NLRP3: variants seen among roughly 807,000 people sequenced by gnomAD.
NLRP3 encodes NLR family pyrin domain containing 3, also known as NACHT, LRR and PYD domains-containing protein 3.
A neutral mutation model predicts 91.3 loss-of-function variants in NLRP3; 48 were observed. The ratio of observed to expected loss-of-function variants is 0.53; its 90% CI spans 0.42 to 0.67. The LOEUF (loss-of-function observed/expected upper bound fraction) is 0.67. Among genes scored for constraint, NLRP3 ranks in the 30% least tolerant of loss-of-function variants. NLRP3 has a pLI of 0.00. For missense variants in NLRP3, 982 were observed against 1,276.9 expected (o/e 0.77, Z 3.52); for synonymous variants, 561 against 507.9 (o/e 1.10, Z -1.41).
At chr1:247,422,115 A>G (rs1465112971) in intron 2 of NLRP3, among the ~76,000 whole-genome samples, 6 of 150,914 alleles carry the variant, frequency 4.0e-5, no homozygotes, top group Non-Finnish European at 5.9e-5. Context: ...GCAGTGGCTT[A>G]TGCCTGTAAT....
At chr1:247,429,536 A>G (rs1222251746) in intron 4 of NLRP3, 49 bp from the exon 5 acceptor site, 1 of 1,602,220 alleles carries the variant, frequency 6.2e-7, no homozygotes, top group Non-Finnish European at 8.6e-7. Flanking sequence ...CCAGTTAGTT[A>G]TTATTCGAGG....
chr1:247,425,633 G>T lies in NLRP3; in HGVS notation c.2150+34G>T. On this transcript the variant is annotated intron_variant, in intron 4 of 9. Coordinates refer to ENST00000336119, the MANE Select transcript of NLRP3 (RefSeq NM_001243133.2). The surrounding 1 kb of genome is among the most constrained non-coding windows in gnomAD (Gnocchi z 4.1). ...ACTCGGCTTCCAGGTGCTTCCTCCTGCTTCCTCGCCAGCTTCTTCTTGGCG... is the reference window on the plus strand; with the variant it reads ...ACTCGGCTTCCAGGTGCTTCCTCCTTCTTCCTCGCCAGCTTCTTCTTGGCG... 6.3e-7 allele frequency: 1 copy of T among 1,592,972 alleles called. No homozygotes were observed. The highest frequency in any genetic ancestry group is 2.2e-5 in the East Asian group (1 of 44,844).
intron 5 of NLRP3, among the ~76,000 whole-genome samples, chr1:247,433,494 T>C (rs1490873111): frequency 6.6e-6 from 1 of 152,186 alleles, no homozygotes; most frequent in Non-Finnish European, 1.5e-5. Flanking sequence ...CCCGGCACTG[T>C]TTACGGCCGG....
chr1:247,436,458 G>T (rs1024081584), intron 7 of NLRP3, among the ~76,000 whole-genome samples: 1 of 152,210 alleles, frequency 6.6e-6, no homozygotes, highest in African/African-American at 2.4e-5. Context: ...TTTTATGTGT[G>T]CATGCTTGCA....
At chr1:247,434,382 G>T in intron 6 of NLRP3, 109 bp downstream of exon 6, 1 of 1,176,890 alleles carries the variant, frequency 8.5e-7, no homozygotes, top group Non-Finnish European at 1.3e-6. Flanking sequence ...GGCCTTGGCG[G>T]CTCGGGTGAC....
intron 3 of NLRP3, 76 bp from the exon 4 acceptor site, chr1:247,423,771 T>G: frequency 7.5e-7 from 1 of 1,340,374 alleles, no homozygotes; most frequent in Non-Finnish European, 1.1e-6. Flanking sequence ...TCGCTTCCGA[T>G]GACAGGCCCC....
In NLRP3 at chr1:247,418,307, C is replaced by CTT. The variant is rs144128307; in HGVS notation, c.-483_-482dup. The CTT allele has an allele frequency of 2.0e-4, 38 of 189,308 alleles. No individual in the cohort carries two copies. The highest frequency in any genetic ancestry group is 6.0e-4 in the South Asian group (7 of 11,620). 11.7% of individuals were successfully genotyped at this position (189,308 alleles called of 1,614,324 possible). ...AACTTTCTGGTAAGCATTTGGCTAA[C>CTT]TTTTTTTTTTTTGAGATGGAGTCTT... is the stretch of plus-strand genomic sequence containing the variant. On this transcript the variant is annotated 5_prime_UTR_variant, in exon 2 of 10. An upstream open reading frame in the 5' UTR loses its in-frame stop. Transcript: ENST00000336119.
chr1:247,447,814 A>G (rs1347115743), intron 9 of NLRP3, among the ~76,000 whole-genome samples: 1 of 152,186 alleles, frequency 6.6e-6, no homozygotes, highest in Non-Finnish European at 1.5e-5. Context: ...CATTAAATGC[A>G]GTATTTAAAA....
rs367708054 is a variant in NLRP3 at position 247,428,444 on chromosome 1, T to C, written c.2151-1141T>C. On this transcript the variant is annotated intron_variant, in intron 4 of 9. Coordinates refer to ENST00000336119, the MANE Select transcript of NLRP3 (RefSeq NM_001243133.2). ...TAGACCTAGAGAGCTAGACTTTGCA[T>C]TTGAATGAGAGCTACAGGTGATTCA... Among the ~76,000 whole-genome samples, 6 of 152,368 alleles carry C rather than the reference T, an allele frequency of 3.9e-5. No homozygotes were observed. In the South Asian group the frequency reaches 1.2e-3, roughly 32 times the overall value.
chr1:247,419,157 T>C (rs1389237806), intron 2 of NLRP3, 80 bp downstream of exon 2: 2 of 934,902 alleles, frequency 2.1e-6, no homozygotes, highest in Non-Finnish European at 2.7e-6. Context: ...TATATATATA[T>C]ATATATATTT....
chr1:247,428,934 C>T (rs1310524487), intron 4 of NLRP3, among the ~76,000 whole-genome samples: 1 of 150,512 alleles, frequency 6.6e-6, no homozygotes, highest in Non-Finnish European at 1.5e-5. Flanking sequence ...GCTCTGTTGC[C>T]CAGGCTGGAG....
intron 6 of NLRP3, among the ~76,000 whole-genome samples, chr1:247,434,704 G>T (rs1378265189): frequency 6.6e-6 from 1 of 152,056 alleles, no homozygotes; most frequent in African/African-American, 2.4e-5. Flanking sequence ...TTTTGAAGGA[G>T]AGAAAAAACC....
intron 5 of NLRP3, among the ~76,000 whole-genome samples, chr1:247,430,698 G>A (rs745670058): frequency 4.6e-5 from 7 of 152,012 alleles, no homozygotes; most frequent in African/African-American, 7.2e-5. Flanking sequence ...TTCCTCATGG[G>A]CCATGTTCAT....
rs374170024 is a variant in NLRP3, at chr1:247,423,925, G to T, written c.476G>T (p.Ser159Ile). The change falls in exon 4 of 10, where the codon AGT becomes ATT. Residue 159 changes from serine (S) to isoleucine (I), a missense_variant. Coordinates refer to ENST00000336119, the MANE Select transcript of NLRP3 (RefSeq NM_001243133.2). ...IEDRNARLGE[S>I]VSLNKRYTRL... ...GACAGGAATGCCCGTCTGGGTGAGA[G>T]TGTGAGCCTCAACAAACGCTACACA... is the stretch of plus-strand genomic sequence containing the variant. 61 of 1,613,964 alleles carry T rather than the reference G, an allele frequency of 3.8e-5. No homozygotes were observed. Among genetic ancestry groups the T allele is most frequent in the Non-Finnish European group, 4.8e-5 (57 of 1,180,012 alleles).
intron 5 of NLRP3, among the ~76,000 whole-genome samples, chr1:247,432,221 A>G (rs1411757251): frequency 1.3e-5 from 2 of 152,198 alleles, no homozygotes; most frequent in Non-Finnish European, 2.9e-5. Context: ...CATTGTACCC[A>G]ATAAATAATT....
Position 247,448,544 on chromosome 1 carries a change from C to A in NLRP3, c.*40C>A. On this transcript the variant is annotated 3_prime_UTR_variant, in exon 10 of 10. Transcript: ENST00000336119. ...CTGCCAGACGCCAGTGTTCTCCGGT[C>A]CCTCCAGCTGGGGGCCCTCAGGTGG... 7.9e-7 allele frequency: 1 copy of A among 1,269,952 alleles called. No homozygotes were observed. Among genetic ancestry groups the A allele is most frequent in the Non-Finnish European group, 1.2e-6 (1 of 865,868 alleles). The allele number at this position is 1,269,952 out of a possible 1,614,324, so 78.7% of individuals were successfully genotyped here.
chr1:247,446,256 G>A (rs1031222042), intron 9 of NLRP3, among the ~76,000 whole-genome samples: 1 of 152,202 alleles, frequency 6.6e-6, no homozygotes, highest in Non-Finnish European at 1.5e-5. Context: ...ATCACCTGGT[G>A]TCTGGATTGT....
chr1:247,445,131 C>A (rs908540529), intron 9 of NLRP3, among the ~76,000 whole-genome samples: 1 of 152,186 alleles, frequency 6.6e-6, no homozygotes, highest in Non-Finnish European at 1.5e-5. Context: ...CTTCGTAGAA[C>A]TCGTCTATGG....
chr1:247,436,185 G>T (rs749327273), intron 7 of NLRP3, 45 bp downstream of exon 7: 2 of 1,598,142 alleles, frequency 1.3e-6, no homozygotes, highest in South Asian at 2.2e-5. Flanking sequence ...CTTCTTTTCA[G>T]AGGTGAATTA....
Sources: gnomAD v4.1 joint callset for allele counts (sites outside exome capture counted in the v4.1 genomes callset) on GRCh38, gnomAD v4.1.1 for gene constraint, Gnocchi (gnomAD v3.1) non-coding constraint, MANE v1.5 for transcripts, NCBI Gene and HGNC (gene_info 2026-07-23, HGNC 2026-07-21) for gene names.